Variants in MYOF observed in about 807,000 individuals in gnomAD.
MYOF encodes the protein myoferlin, also known as fer-1-like 3, myoferlin.
In MYOF, 244 loss-of-function variants were observed where a neutral mutation model predicts 284.2. That is an observed-to-expected ratio of 0.86 (90% confidence interval 0.77 to 0.95). The LOEUF is 0.95. Ranked by LOEUF, MYOF falls within the 40% of genes least tolerant of loss-of-function variation. The pLI is 0.00. For missense variants in MYOF, 2,496 were observed against 2,560.6 expected, an observed-to-expected ratio of 0.97 and a Z score of 0.54; for synonymous variants, 904 against 919.7, an observed-to-expected ratio of 0.98 and a Z score of 0.31.
intron 17 of MYOF, among the ~76,000 whole-genome samples, chr10:93,389,473 A>G (rs904957642): frequency 1.3e-5 from 2 of 152,260 alleles, no homozygotes; most frequent in African/African-American, 2.4e-5. Context: ...TGTATTAAAC[A>G]TGCCATTGCC....
intron 39 of MYOF, chr10:93,338,484 T>C (rs1271767643): frequency 6.6e-6 from 3 of 456,732 alleles, no homozygotes; most frequent in East Asian, 1.4e-4. Context: ...AATGCAATAA[T>C]AACACAATGG....
chr10:93,465,961 C>T (rs79094889), intron 1 of MYOF, among the ~76,000 whole-genome samples: 7,128 of 152,306 alleles, frequency 0.047, 219 homozygotes, highest in Non-Finnish European at 0.07. Context: ...ATTTCTTCCA[C>T]GTGGCTCCAT....
At chr10:93,393,840 T>G (rs1846822076) in intron 16 of MYOF, among the ~76,000 whole-genome samples, 4 of 151,710 alleles carry the variant, frequency 2.6e-5, no homozygotes, top group Admixed American at 2.6e-4. Flanking sequence ...CTGTAATGGG[T>G]GATGACATCT....
intron 5 of MYOF, among the ~76,000 whole-genome samples, chr10:93,420,691 A>T (rs1357546275): frequency 6.6e-6 from 1 of 152,200 alleles, no homozygotes; most frequent in Non-Finnish European, 1.5e-5. Flanking sequence ...GAACCTTTAA[A>T]ATCAATAGCA....
At chr10:93,332,835 ACT>A (rs933319039) in intron 43 of MYOF, among the ~76,000 whole-genome samples, 1 of 151,836 alleles carries the variant, frequency 6.6e-6, no homozygotes, top group African/African-American at 2.4e-5. Flanking sequence ...TGACAGCAAG[ACT>A]CTGTCTTAAA....
At chr10:93,413,713 G>A (rs1415500345) in intron 5 of MYOF, among the ~76,000 whole-genome samples, 1 of 152,214 alleles carries the variant, frequency 6.6e-6, no homozygotes. Flanking sequence ...CTCTGGCTAG[G>A]CGCAGGGGCT....
intron 5 of MYOF, among the ~76,000 whole-genome samples, chr10:93,412,275 C>A (rs978623721): frequency 1.3e-5 from 2 of 152,110 alleles, no homozygotes; most frequent in Non-Finnish European, 2.9e-5. Flanking sequence ...AGTACCTCAA[C>A]ATCTTTTTCA....
intron 5 of MYOF, among the ~76,000 whole-genome samples, chr10:93,423,843 A>C (rs1159992385): frequency 6.6e-6 from 1 of 152,002 alleles, no homozygotes; most frequent in Non-Finnish European, 1.5e-5. Flanking sequence ...AAAAAAAAAA[A>C]AACAAACCAA....
At chr10:93,467,401 G>C (rs2057035074) in intron 1 of MYOF, among the ~76,000 whole-genome samples, 1 of 42,762 alleles carries the variant, frequency 2.3e-5, no homozygotes, top group South Asian at 1.8e-3. Context: ...CCACCTATGA[G>C]TGAGAACATG....
At chr10:93,385,169 T>C (rs531833939) in intron 19 of MYOF, among the ~76,000 whole-genome samples, 1 of 152,158 alleles carries the variant, frequency 6.6e-6, no homozygotes, top group East Asian at 1.9e-4. Flanking sequence ...AAGAACAGAC[T>C]CTTGATCCTG....
At chr10:93,386,550 G>A (rs1277695347) in intron 19 of MYOF, among the ~76,000 whole-genome samples, 2 of 152,194 alleles carry the variant, frequency 1.3e-5, no homozygotes, top group Non-Finnish European at 2.9e-5. Flanking sequence ...AGGCTGGGGG[G>A]TGGAGAGAGG....
In MYOF at chr10:93,316,770, G is replaced by A; in HGVS notation, c.5642C>T (p.Pro1881Leu). 1 of 1,613,862 alleles carries A rather than the reference G, an allele frequency of 6.2e-7. No individual in the cohort carries two copies. The highest frequency in any genetic ancestry group is 8.5e-7 in the Non-Finnish European group (1 of 1,179,932). Residue 1881 changes from proline (P) to leucine (L), a missense_variant, in exon 50 of 54, where the codon CCC (proline) becomes CTC (leucine). By Grantham distance (98) the Pro-to-Leu change is moderately conservative. Around this residue, in one of 3 missense-constraint regions of MYOF, gnomAD observed 2,436 missense variants for 2,480.7 expected, o/e 0.98. Coordinates refer to ENST00000359263, the MANE Select transcript of MYOF (RefSeq NM_013451.4). ...SIDQTEFRIP[P>L]RLIIQIWDND... Reference sequence around the variant, plus strand: ...GTCCCATATCTGAATGATCAGCCTGGGTGGGATTCGAAATTCCGTTTGGTC... The same window carrying A: ...GTCCCATATCTGAATGATCAGCCTGAGTGGGATTCGAAATTCCGTTTGGTC...
At chr10:93,481,050 G>A (rs2057375359) in intron 1 of MYOF, among the ~76,000 whole-genome samples, 1 of 151,842 alleles carries the variant, frequency 6.6e-6, no homozygotes, top group Non-Finnish European at 1.5e-5. Flanking sequence ...TCTTACCAAT[G>A]ACAAACAAAA....
At chr10:93,339,614 C>G (rs1843789553) in intron 39 of MYOF, among the ~76,000 whole-genome samples, 1 of 151,836 alleles carries the variant, frequency 6.6e-6, no homozygotes, top group South Asian at 2.1e-4. Context: ...GGATTACAAG[C>G]ACTCACCACC....
At chr10:93,410,702 T>C (rs1365327607) in intron 5 of MYOF, among the ~76,000 whole-genome samples, 3 of 152,202 alleles carry the variant, frequency 2.0e-5, no homozygotes, top group Non-Finnish European at 4.4e-5. Context: ...GAACTTCTGG[T>C]AATCTGTACA....
intron 53 of MYOF, 147 bp downstream of exon 53, chr10:93,309,868 ATTACT>A (rs1842304810): frequency 4.5e-6 from 4 of 898,616 alleles, no homozygotes; most frequent in South Asian, 4.4e-5. Flanking sequence ...TACAAGACAC[ATTACT>A]TTAAATTTCC....
At chr10:93,359,179 C>T (rs960262194) in intron 29 of MYOF, among the ~76,000 whole-genome samples, 2 of 152,162 alleles carry the variant, frequency 1.3e-5, no homozygotes, top group African/African-American at 4.8e-5. Flanking sequence ...CCAGCTTTGT[C>T]ACTTACTAAA....
At chr10:93,323,240 T>C (rs753419849) in intron 47 of MYOF, 30 bp downstream of exon 47, 4 of 1,613,608 alleles carry the variant, frequency 2.5e-6, no homozygotes, top group South Asian at 2.2e-5. Flanking sequence ...GCCCAGTGTA[T>C]GTATCAGGGT....
intron 38 of MYOF, among the ~76,000 whole-genome samples, chr10:93,340,760 A>T (rs1002922606): frequency 6.6e-6 from 1 of 151,512 alleles, no homozygotes; most frequent in African/African-American, 2.4e-5. Context: ...CTTTCATGTG[A>T]TTTTTTTTTA....
Sources: gnomAD v4.1 joint callset for allele counts (sites outside exome capture counted in the v4.1 genomes callset) on GRCh38, gnomAD v4.1.1 for gene constraint, gnomAD v4.1.1 regional missense constraint, MANE v1.5 for transcripts, NCBI Gene and HGNC (gene_info 2026-07-23, HGNC 2026-07-21) for gene names.